The following PHTF2 variants were observed in gnomAD, a reference collection of about 807,000 sequenced individuals.
PHTF2 encodes putative homeodomain transcription factor 2, also known as protein PHTF2.
A neutral mutation model predicts 101.2 loss-of-function variants in PHTF2; 60 were observed. That is an observed-to-expected ratio of 0.59 (90% CI 0.48 to 0.73). The LOEUF is 0.73. Ranked by LOEUF, PHTF2 falls within the 30% of genes least tolerant of loss-of-function variation. The pLI is 0.00. For missense variants in PHTF2, 747 were observed against 908.7 expected, an observed-to-expected ratio of 0.82 and a Z score of 2.29; for synonymous variants, 311 against 307.3, an observed-to-expected ratio of 1.01 and a Z score of -0.13.
At chr7:77,920,708 G>A (rs538249994) in intron 10 of PHTF2, among the ~76,000 whole-genome samples, 9 of 152,200 alleles carry the variant, frequency 5.9e-5, no homozygotes, top group Non-Finnish European at 1.2e-4. Context: ...TTGAGACGGG[G>A]TCTTACTCTG....
intron 7 of PHTF2, among the ~76,000 whole-genome samples, chr7:77,906,908 A>G (rs964031272): frequency 1.2e-4 from 18 of 149,484 alleles, no homozygotes; most frequent in Non-Finnish European, 2.4e-4. Flanking sequence ...ACTCCGTCTC[A>G]AGAAAAATTA....
intron 1 of PHTF2, among the ~76,000 whole-genome samples, chr7:77,820,298 T>C (rs976550735): frequency 3.3e-5 from 5 of 152,202 alleles, no homozygotes; most frequent in African/African-American, 7.2e-5. Flanking sequence ...CAGGAACTTA[T>C]CTAGTTTCTC....
intron 5 of PHTF2, among the ~76,000 whole-genome samples, chr7:77,896,309 C>A (rs1476127572): frequency 6.6e-6 from 1 of 152,212 alleles, no homozygotes; most frequent in Non-Finnish European, 1.5e-5. Flanking sequence ...GAAATCCCAA[C>A]ACTTTAGGAG....
At chr7:77,799,753 G>C (rs1463421456) in intron 1 of PHTF2, among the ~76,000 whole-genome samples, 1 of 152,120 alleles carries the variant, frequency 6.6e-6, no homozygotes, top group Non-Finnish European at 1.5e-5. Flanking sequence ...TATTTTTAGC[G>C]TGGCGAAAAC....
At chr7:77,860,147 G>A (rs1208550058) in intron 3 of PHTF2, among the ~76,000 whole-genome samples, 1 of 152,098 alleles carries the variant, frequency 6.6e-6, no homozygotes, top group Non-Finnish European at 1.5e-5. Flanking sequence ...TTAAAATGCT[G>A]ATTGTCTCTA....
intron 16 of PHTF2, among the ~76,000 whole-genome samples, chr7:77,945,300 T>C (rs1357863226): frequency 6.6e-6 from 1 of 152,198 alleles, no homozygotes; most frequent in African/African-American, 2.4e-5. Context: ...GTCACGCCAC[T>C]GTACTTCAGC....
At chr7:77,939,451 A>G (rs1028808604) in intron 13 of PHTF2, among the ~76,000 whole-genome samples, 5 of 152,022 alleles carry the variant, frequency 3.3e-5, no homozygotes, top group South Asian at 2.1e-4. Flanking sequence ...ACATCTCTAC[A>G]AAACCCAAAA....
intron 3 of PHTF2, among the ~76,000 whole-genome samples, chr7:77,865,560 T>A (rs1263185399): frequency 6.6e-6 from 1 of 152,194 alleles, no homozygotes; most frequent in Non-Finnish European, 1.5e-5. Context: ...ATTCTACTTC[T>A]GTATTACAGT....
chr7:77,852,848 A>G (rs1200353616), intron 2 of PHTF2, among the ~76,000 whole-genome samples: 1 of 152,132 alleles, frequency 6.6e-6, no homozygotes, highest in Non-Finnish European at 1.5e-5. Flanking sequence ...TTTTTCCTGG[A>G]TATACTATTA....
chr7:77,886,831 C>T lies in PHTF2; in HGVS notation c.148-6777C>T, dbSNP rs942965639. On this transcript the variant is annotated intron_variant, in intron 3 of 19. Transcript: ENST00000416283. Reference sequence around the variant, plus strand: ...GGCTGAGGTGGGTGGATTGCTTGAGCCCAAGAGTTCAAGGCCACATAGGGA... The same window carrying T: ...GGCTGAGGTGGGTGGATTGCTTGAGTCCAAGAGTTCAAGGCCACATAGGGA... Among the ~76,000 whole-genome samples the T allele has an allele frequency of 2.0e-5, 3 of 152,038 alleles. No homozygotes were observed. In the East Asian group the frequency reaches 5.8e-4, roughly 29 times the overall value.
chr7:77,916,146 C>T (rs1167098905), intron 9 of PHTF2, among the ~76,000 whole-genome samples: 1 of 152,054 alleles, frequency 6.6e-6, no homozygotes. Context: ...TGCTTTTTAT[C>T]TTGCATTCTG....
At chr7:77,955,794 C>T (rs1008329372) in exon 20 of PHTF2, 1 of 152,338 alleles carries the variant, frequency 6.6e-6, no homozygotes, top group African/African-American at 2.4e-5. Context: ...GCTATTCATA[C>T]CACACTGAAA....
At chr7:77,940,430 T>A (rs1341994681) in intron 14 of PHTF2, 98 bp from the exon 14 acceptor site, 5 of 1,296,602 alleles carry the variant, frequency 3.9e-6, no homozygotes, top group Non-Finnish European at 5.3e-6. Flanking sequence ...GCTTTTATAG[T>A]ACCTAACCAA....
At chr7:77,861,038 A>G (rs979891536) in intron 3 of PHTF2, among the ~76,000 whole-genome samples, 27 of 152,248 alleles carry the variant, frequency 1.8e-4, no homozygotes, top group African/African-American at 6.5e-4. Context: ...TTTCTATATC[A>G]GTTAAAATGG....
At chr7:77,860,174 T>C (rs998310434) in intron 3 of PHTF2, among the ~76,000 whole-genome samples, 1 of 152,202 alleles carries the variant, frequency 6.6e-6, no homozygotes, top group African/African-American at 2.4e-5. Context: ...CCAAAAAACA[T>C]TGAATATAAA....
intron 11 of PHTF2, among the ~76,000 whole-genome samples, chr7:77,928,258 T>A (rs923265229): frequency 2.0e-5 from 3 of 152,238 alleles, no homozygotes; most frequent in East Asian, 1.9e-4. Context: ...AAAAGTTTTT[T>A]AATTAATTTA....
chr7:77,802,689 T>C (rs1458761872), intron 1 of PHTF2, among the ~76,000 whole-genome samples: 1 of 152,204 alleles, frequency 6.6e-6, no homozygotes, highest in Non-Finnish European at 1.5e-5. Flanking sequence ...CATGCACCAC[T>C]GTGTCCAGCT....
intron 3 of PHTF2, among the ~76,000 whole-genome samples, chr7:77,878,430 A>G (rs1028010563): frequency 6.6e-6 from 1 of 152,112 alleles, no homozygotes; most frequent in Non-Finnish European, 1.5e-5. Context: ...TAGTTTTACA[A>G]TAGTGATGTT....
chr7:77,923,757 G>C, intron 11 of PHTF2: 24 of 984,928 alleles, frequency 2.4e-5, no homozygotes, highest in Non-Finnish European at 2.9e-5. Context: ...TGCTGGAAGG[G>C]AGACGGAGGG....
Sources: gnomAD v4.1 joint callset for allele counts (sites outside exome capture counted in the v4.1 genomes callset) on GRCh38, gnomAD v4.1.1 for gene constraint, MANE v1.5 for transcripts, NCBI Gene and HGNC (gene_info 2026-07-23, HGNC 2026-07-21) for gene names.